Variants in EPS15 observed in about 807,000 individuals in gnomAD.
The protein encoded by EPS15 is epidermal growth factor receptor pathway substrate 15.
Under a neutral mutation model 113.8 loss-of-function variants are expected in EPS15, and 72 were observed. The ratio of observed to expected loss-of-function variants is 0.63; its 90% CI spans 0.52 to 0.77. The LOEUF is 0.77. EPS15 is among the 30% of genes least tolerant of loss of function. The pLI is 0.00. For missense variants in EPS15, 1,048 were observed against 1,045.8 expected (o/e 1.00, Z -0.03); for synonymous variants, 344 against 363.4 (o/e 0.95, Z 0.61).
chr1:51,357,153 G>A (rs1646235301), intron 24 of EPS15, among the ~76,000 whole-genome samples: 1 of 151,222 alleles, frequency 6.6e-6, no homozygotes, highest in South Asian at 2.1e-4. Flanking sequence ...TGAGGCAGGT[G>A]GATCACCTGA....
chr1:51,467,121 T>C (rs1051372058), intron 5 of EPS15, among the ~76,000 whole-genome samples: 3 of 152,122 alleles, frequency 2.0e-5, no homozygotes, highest in African/African-American at 7.2e-5. Context: ...AAAGGATAAA[T>C]TTAAAATTAC....
At chr1:51,453,258 G>A (rs569130994) in intron 8 of EPS15, among the ~76,000 whole-genome samples, 4 of 152,018 alleles carry the variant, frequency 2.6e-5, no homozygotes, top group East Asian at 3.9e-4. Flanking sequence ...CACTAGAAGC[G>A]AAAAAGCAAC....
chr1:51,446,018 C>T (rs1423621039), intron 10 of EPS15, among the ~76,000 whole-genome samples: 2 of 152,170 alleles, frequency 1.3e-5, no homozygotes, highest in Admixed American at 1.3e-4. Flanking sequence ...CTTTCCCAGT[C>T]TTGGGTTCTT....
In EPS15 at chr1:51,440,423, C is replaced by T. The variant is rs750736336; in HGVS notation, c.964G>A (p.Gly322Arg). Reference protein sequence around the residue: ...DRASLQKNIIGSSPVADFSAI... With the variant: ...DRASLQKNIIRSSPVADFSAI... ...GAGAAATCTGCAACAGGACTTGATC[C>T]TATGATGTTCTAAAAACAAAAAGTT... Residue 322 changes from glycine to arginine, a missense_variant, in exon 12 of 25, where the codon GGA becomes AGA. Transcript: ENST00000371733. 4.5e-6 allele frequency: 7 copies of T among 1,554,934 alleles called. No individual in the cohort carries two copies. Among genetic ancestry groups the T allele is most frequent in the African/African-American group, 1.4e-5 (1 of 73,466 alleles).
intron 12 of EPS15, chr1:51,423,575 C>G: frequency 1.0e-6 from 1 of 985,376 alleles, no homozygotes; most frequent in Non-Finnish European, 1.2e-6. Context: ...AGTATCAACT[C>G]AGCTCCTGGT....
chr1:51,454,060 A>AG (rs1342255248), intron 8 of EPS15, among the ~76,000 whole-genome samples: 1 of 151,656 alleles, frequency 6.6e-6, no homozygotes, highest in Non-Finnish European at 1.5e-5. Context: ...AAAAAAAAAA[A>AG]AAAAAAAAAA....
At chr1:51,432,360 G>C (rs977344912) in intron 12 of EPS15, among the ~76,000 whole-genome samples, 2 of 150,092 alleles carry the variant, frequency 1.3e-5, no homozygotes, top group African/African-American at 4.9e-5. Flanking sequence ...ATATTTAATA[G>C]AGACTTGCTT....
intron 12 of EPS15, among the ~76,000 whole-genome samples, chr1:51,436,506 C>T (rs1325126552): frequency 6.6e-6 from 1 of 152,100 alleles, no homozygotes; most frequent in Non-Finnish European, 1.5e-5. Flanking sequence ...TTAAGAAGCA[C>T]ATAATCTAGT....
At chr1:51,422,822 A>C (rs1650885727) in intron 12 of EPS15, among the ~76,000 whole-genome samples, 2 of 152,254 alleles carry the variant, frequency 1.3e-5, no homozygotes, top group Non-Finnish European at 1.5e-5. Flanking sequence ...GGTCGCAGGG[A>C]AAGGTAAAAG....
intron 21 of EPS15, among the ~76,000 whole-genome samples, chr1:51,377,327 G>A (rs1426423339): frequency 6.6e-6 from 1 of 152,128 alleles, no homozygotes; most frequent in Non-Finnish European, 1.5e-5. Flanking sequence ...ATAGTAAGAG[G>A]ACTTTGAAAG....
At chr1:51,432,096 T>G (rs1401224869) in intron 12 of EPS15, among the ~76,000 whole-genome samples, 1 of 152,186 alleles carries the variant, frequency 6.6e-6, no homozygotes, top group Non-Finnish European at 1.5e-5. Flanking sequence ...GCAGAGACTG[T>G]GACTCTTAAA....
chr1:51,449,914 G>A (rs905289954), intron 8 of EPS15, among the ~76,000 whole-genome samples: 1 of 151,790 alleles, frequency 6.6e-6, no homozygotes, highest in Non-Finnish European at 1.5e-5. Flanking sequence ...CCAAGTGCAG[G>A]GCAGCTTGAT....
At chr1:51,425,410 T>C (rs1036979600) in intron 12 of EPS15, among the ~76,000 whole-genome samples, 1 of 152,152 alleles carries the variant, frequency 6.6e-6, no homozygotes, top group African/African-American at 2.4e-5. Context: ...TCCAATATTA[T>C]CAAAGACAAG....
chr1:51,430,032 A>G (rs560460767), intron 12 of EPS15, among the ~76,000 whole-genome samples: 127 of 152,272 alleles, frequency 8.3e-4, no homozygotes, highest in Non-Finnish European at 1.6e-3. Context: ...GAATGGCATT[A>G]TTTAGCAACA....
rs749934113 is a variant in EPS15, at chr1:51,446,991, C to T, written c.766G>A (p.Gly256Ser). The change falls in exon 10 of 25, where the codon GGT becomes AGT. Residue 256 changes from glycine (G) to serine (S), a missense_variant. Physicochemically the swap from Gly to Ser is moderately conservative, Grantham distance 56. Transcript: ENST00000371733. ...TGGGCTAGTAAGGTAGAAGGTAAAC[C>T]TGTTTTCAAGAATATTTCACGGACC... ...LEVREIFLKT[G>S]LPSTLLAHIW... 3 of 1,613,188 alleles carry T rather than the reference C, an allele frequency of 1.9e-6. No homozygotes were observed. In the South Asian group the frequency reaches 3.3e-5, roughly 18 times the overall value.
intron 24 of EPS15, among the ~76,000 whole-genome samples, chr1:51,357,438 TA>T (rs1489064300): frequency 4.5e-4 from 47 of 104,566 alleles, no homozygotes; most frequent in African/African-American, 2.1e-3. Flanking sequence ...TTTTTTTTTT[TA>T]AATGTGATAT....
At chr1:51,499,817 T>A (rs1381010445) in intron 1 of EPS15, among the ~76,000 whole-genome samples, 2 of 152,234 alleles carry the variant, frequency 1.3e-5, no homozygotes, top group African/African-American at 4.8e-5. Flanking sequence ...ACACATAACA[T>A]AAAATTGTAC....
intron 1 of EPS15, among the ~76,000 whole-genome samples, chr1:51,498,221 A>C (rs1388474064): frequency 2.6e-5 from 4 of 152,208 alleles, no homozygotes; most frequent in African/African-American, 4.8e-5. Context: ...ACCTAAAGAA[A>C]CACCCACATA....
intron 1 of EPS15, among the ~76,000 whole-genome samples, chr1:51,509,261 T>C (rs1460051136): frequency 6.6e-6 from 1 of 152,196 alleles, no homozygotes; most frequent in African/African-American, 2.4e-5. Flanking sequence ...ATTTTTTATA[T>C]ATGCATAATG....
Sources: allele counts gnomAD v4.1 joint callset (sites outside exome capture counted in the v4.1 genomes callset), GRCh38; gene constraint gnomAD v4.1.1; transcripts MANE v1.5; gene names NCBI Gene and HGNC (gene_info 2026-07-23, HGNC 2026-07-21).